CTNNA2: variants seen among roughly 807,000 people sequenced by gnomAD.
The protein encoded by CTNNA2 is catenin alpha-2.
CTNNA2 carries 42 observed loss-of-function variants against 101.0 expected under a neutral mutation model. The ratio of observed to expected loss-of-function variants is 0.42; its 90% confidence interval spans 0.32 to 0.54. CTNNA2 has a LOEUF of 0.54. CTNNA2 is among the 20% of genes least tolerant of loss of function. The probability of loss-of-function intolerance (pLI) is 0.14; values close to 1 mark genes in which losing one functional copy is unlikely to be tolerated. For synonymous variants in CTNNA2, 450 were observed against 456.4 expected (o/e 0.99, Z 0.18); for missense variants, 871 against 1,223.1 (o/e 0.71, Z 4.29).
At chr2:79,220,661 C>T (rs1243564279) in intron 2 of CTNNA2, among the ~76,000 whole-genome samples, 1 of 151,974 alleles carries the variant, frequency 6.6e-6, no homozygotes, top group Non-Finnish European at 1.5e-5. Context: ...GGTAGAAAAC[C>T]TTAAAGGTTG....
intron 7 of CTNNA2, among the ~76,000 whole-genome samples, chr2:80,345,810 G>A (rs1231530279): frequency 6.6e-5 from 10 of 152,036 alleles, no homozygotes; most frequent in Non-Finnish European, 1.2e-4. Context: ...TAAAGCTAAT[G>A]TATCTTCTTA....
intron 4 of CTNNA2, among the ~76,000 whole-genome samples, chr2:79,385,355 ACTTCTT>A (rs1231632518): frequency 6.6e-6 from 1 of 152,134 alleles, no homozygotes; most frequent in African/African-American, 2.4e-5. Context: ...CCAAAATGTC[ACTTCTT>A]CCGCCTATAT....
At chr2:79,955,528 T>C (rs1689162358) in intron 7 of CTNNA2, among the ~76,000 whole-genome samples, 1 of 152,162 alleles carries the variant, frequency 6.6e-6, no homozygotes, top group Non-Finnish European at 1.5e-5. Flanking sequence ...ATTTCAGTTG[T>C]TTGCAGTTTG....
chr2:79,770,127 TA>T (rs1489746702), intron 3 of CTNNA2, among the ~76,000 whole-genome samples: 6 of 152,128 alleles, frequency 3.9e-5, no homozygotes, highest in African/African-American at 1.4e-4. Context: ...TTCTACCATC[TA>T]GGGGGTAGAA....
chr2:79,733,686 T>C (rs1170431872), intron 2 of CTNNA2, among the ~76,000 whole-genome samples: 1 of 152,086 alleles, frequency 6.6e-6, no homozygotes, highest in Non-Finnish European at 1.5e-5. Flanking sequence ...CAAGTGTAAG[T>C]CCTTACATGA....
chr2:80,312,826 A>G (rs1677721264), intron 7 of CTNNA2, among the ~76,000 whole-genome samples: 2 of 152,334 alleles, frequency 1.3e-5, no homozygotes, highest in African/African-American at 4.8e-5. Context: ...TGTGTTTTAG[A>G]CCTTCTAATA....
intron 7 of CTNNA2, among the ~76,000 whole-genome samples, chr2:80,294,067 C>G (rs931107930): frequency 6.6e-6 from 1 of 152,014 alleles, no homozygotes; most frequent in Non-Finnish European, 1.5e-5. Context: ...CTAGCTTTAC[C>G]TCATAATGAC....
intron 2 of CTNNA2, among the ~76,000 whole-genome samples, chr2:79,306,794 C>T (rs1296161791): frequency 6.6e-6 from 1 of 152,156 alleles, no homozygotes; most frequent in Non-Finnish European, 1.5e-5. Flanking sequence ...TTTCATCTGA[C>T]TTTAATTTTT....
chr2:80,237,363 G>A (rs557691877), intron 7 of CTNNA2, among the ~76,000 whole-genome samples: 1 of 152,212 alleles, frequency 6.6e-6, no homozygotes, highest in East Asian at 1.9e-4. Flanking sequence ...CTTTAGGATG[G>A]GTTTATCAGG....
chr2:80,522,741 A>T (rs557879589), intron 9 of CTNNA2, among the ~76,000 whole-genome samples: 15 of 151,792 alleles, frequency 9.9e-5, no homozygotes, highest in Middle Eastern at 3.4e-3. Flanking sequence ...TTTCCCCCTC[A>T]CCTTCCTCCG....
chr2:80,301,786 G>T (rs1271159687), intron 7 of CTNNA2: 1 of 149,912 alleles, frequency 6.7e-6, no homozygotes, highest in Non-Finnish European at 1.5e-5. Flanking sequence ...CTGGCCCCTG[G>T]ACAACTCCCT....
At chr2:79,925,064 G>A (rs897185590) in intron 7 of CTNNA2, among the ~76,000 whole-genome samples, 1 of 151,998 alleles carries the variant, frequency 6.6e-6, no homozygotes, top group Non-Finnish European at 1.5e-5. Flanking sequence ...CGAGTCCAAT[G>A]TTATTATCTC....
At chr2:79,238,241 G>A (rs1414096848) in intron 2 of CTNNA2, among the ~76,000 whole-genome samples, 1 of 152,120 alleles carries the variant, frequency 6.6e-6, no homozygotes. Context: ...AGAGAGAGAT[G>A]GGGGAACAGC....
intron 7 of CTNNA2, among the ~76,000 whole-genome samples, chr2:79,964,734 G>C (rs889011278): frequency 6.6e-6 from 1 of 152,084 alleles, no homozygotes; most frequent in Non-Finnish European, 1.5e-5. Context: ...GTGCAATATT[G>C]CCCAGTTCAT....
intron 7 of CTNNA2, among the ~76,000 whole-genome samples, chr2:79,939,558 A>C (rs1688006814): frequency 6.6e-6 from 1 of 152,074 alleles, no homozygotes; most frequent in African/African-American, 2.4e-5. Flanking sequence ...TTCCTTTGGG[A>C]ATTTTATTTT....
intron 7 of CTNNA2, among the ~76,000 whole-genome samples, chr2:80,127,026 T>C (rs1702172987): frequency 6.6e-6 from 1 of 152,184 alleles, no homozygotes; most frequent in African/African-American, 2.4e-5. Flanking sequence ...TCATCAGTGT[T>C]GTTTTCTCAG....
intron 4 of CTNNA2, among the ~76,000 whole-genome samples, chr2:79,480,045 A>T (rs1573185819): frequency 1.3e-5 from 2 of 152,096 alleles, no homozygotes; most frequent in African/African-American, 4.8e-5. Context: ...AGTGGGCCTG[A>T]AGGTGCTTCC....
intron 7 of CTNNA2, among the ~76,000 whole-genome samples, chr2:80,391,638 C>T (rs1165198001): frequency 6.6e-6 from 1 of 152,160 alleles, no homozygotes; most frequent in African/African-American, 2.4e-5. Context: ...AAAGGAATAG[C>T]CTTTGGCTGC....
chr2:80,108,986 T>TATC (rs1227076108), intron 7 of CTNNA2, among the ~76,000 whole-genome samples: 4 of 152,184 alleles, frequency 2.6e-5, no homozygotes, highest in African/African-American at 9.7e-5. Flanking sequence ...AATTAGGAAT[T>TATC]ATCTGACATA....
Sources: gnomAD v4.1 joint callset for allele counts (sites outside exome capture counted in the v4.1 genomes callset) on GRCh38, gnomAD v4.1.1 for gene constraint, MANE v1.5 for transcripts, NCBI Gene and HGNC (gene_info 2026-07-23, HGNC 2026-07-21) for gene names.